Variants in GRM5 observed in about 807,000 individuals in gnomAD.
GRM5 encodes the protein glutamate metabotropic receptor 5.
A neutral mutation model predicts 83.1 loss-of-function variants in GRM5; 19 were observed. The ratio of observed to expected loss-of-function variants is 0.23; its 90% confidence interval spans 0.16 to 0.34. The LOEUF is 0.34. GRM5 is among the 10% of genes least tolerant of loss of function. GRM5 has a pLI of 1.00. For synonymous variants in GRM5, 675 were observed against 633.6 expected (o/e 1.07, Z -0.98); for missense variants, 1,160 against 1,588.3 (o/e 0.73, Z 4.58).
chr11:89,044,822 A>C (rs1941609911), intron 2 of GRM5, among the ~76,000 whole-genome samples: 1 of 151,734 alleles, frequency 6.6e-6, no homozygotes. Context: ...AGATCCCACC[A>C]AGACTTTCTG....
chr11:88,510,980 C>T (rs1941353909), intron 9 of GRM5, among the ~76,000 whole-genome samples: 1 of 152,166 alleles, frequency 6.6e-6, no homozygotes, highest in African/African-American at 2.4e-5. Flanking sequence ...TTGAAGACTA[C>T]AGTTTTATCA....
At chr11:88,572,415 TAAC>T (rs1007609100) in intron 7 of GRM5, among the ~76,000 whole-genome samples, 3 of 152,192 alleles carry the variant, frequency 2.0e-5, no homozygotes, top group Admixed American at 6.5e-5. Flanking sequence ...CAGTCTCCTC[TAAC>T]AATATCAGTT....
chr11:88,685,840 A>G (rs955010297), intron 3 of GRM5, among the ~76,000 whole-genome samples: 1 of 152,162 alleles, frequency 6.6e-6, no homozygotes, highest in Non-Finnish European at 1.5e-5. Context: ...CTCTGTTTAG[A>G]TTTCAGAAGA....
chr11:88,664,240 C>T (rs72639199), intron 3 of GRM5, among the ~76,000 whole-genome samples: 3,146 of 151,834 alleles, frequency 0.021, 89 homozygotes, highest in East Asian at 0.12. Flanking sequence ...ATGCTTATGC[C>T]TATATTCTGC....
In GRM5 at chr11:88,508,805, C is replaced by T; in HGVS notation, c.3426G>A (p.Glu1142=). The T allele has an allele frequency of 6.6e-7, 1 of 1,518,296 alleles. No individual in the cohort carries two copies. Among genetic ancestry groups the T allele is most frequent in the Non-Finnish European group, 8.8e-7 (1 of 1,133,544 alleles). The allele number at this position is 1,518,296 out of a possible 1,614,324, so 94.1% of individuals were successfully genotyped here. The change falls in exon 10 of 10, where the codon GAG becomes GAA. Residue 1142 remains glutamate, a synonymous_variant. Transcript: ENST00000305447. This position sits in a 1 kb window ranked among gnomAD's most constrained non-coding sequence, Gnocchi z 4.2. ...GAQAAGDAAR[E]SPAAGPEAAA... is the part of the protein sequence containing the mutation. ...CAGCCTCGGGACCGGCCGCGGGGCT[C>T]TCCCGGGCCGCGTCCCCAGCCGCCT... is the stretch of plus-strand genomic sequence containing the variant.
At chr11:88,741,853 A>G (rs368723087) in intron 3 of GRM5, among the ~76,000 whole-genome samples, 44 of 152,142 alleles carry the variant, frequency 2.9e-4, no homozygotes, top group African/African-American at 9.4e-4. Context: ...GAGGAAATAG[A>G]TCCACCTGTG....
chr11:88,992,205 A>G (rs970278162), intron 2 of GRM5, among the ~76,000 whole-genome samples: 1 of 152,218 alleles, frequency 6.6e-6, no homozygotes, highest in African/African-American at 2.4e-5. Flanking sequence ...AAGTGGGTGA[A>G]GGATATGAAC....
intron 2 of GRM5, among the ~76,000 whole-genome samples, chr11:89,020,124 CTAATT>C (rs1940947236): frequency 1.3e-5 from 2 of 152,172 alleles, no homozygotes; most frequent in South Asian, 2.1e-4. Flanking sequence ...TATACCTTAT[CTAATT>C]TAATTTAACC....
rs987844938 is a variant in GRM5 at position 88,506,386 on chromosome 11, G to A, written c.*2206C>T. The stretch of plus-strand genomic sequence containing the variant: ...TAAAATGTAGAGCATATCAAGAAAG[G>A]TTTTTAATACCTAAGAAGTCAAGAT... On this transcript the variant is annotated 3_prime_UTR_variant, in exon 10 of 10. Coordinates refer to ENST00000305447, the MANE Select transcript of GRM5 (RefSeq NM_001143831.3). 7 of 152,152 alleles carry A rather than the reference G, an allele frequency of 4.6e-5. No homozygotes were observed. The highest frequency in any genetic ancestry group is 1.9e-4 in the East Asian group (1 of 5,204). The allele number at this position is 152,152 out of a possible 1,614,324, so 9.4% of individuals were successfully genotyped here.
At chr11:89,020,084 T>C (rs988540994) in intron 2 of GRM5, among the ~76,000 whole-genome samples, 4 of 152,182 alleles carry the variant, frequency 2.6e-5, no homozygotes, top group African/African-American at 9.7e-5. Context: ...GCATTACCAA[T>C]TGTTAATTCT....
At chr11:88,707,838 C>T (rs1941197418) in intron 3 of GRM5, among the ~76,000 whole-genome samples, 2 of 152,046 alleles carry the variant, frequency 1.3e-5, no homozygotes, top group Admixed American at 1.3e-4. Flanking sequence ...ATCATTAAAA[C>T]CATATGCTTT....
intron 2 of GRM5, among the ~76,000 whole-genome samples, chr11:88,959,122 A>AT (rs574505458): frequency 2.2e-3 from 331 of 152,266 alleles, no homozygotes; most frequent in African/African-American, 6.7e-3. Flanking sequence ...ACCTCACAGG[A>AT]CCTGTGAAAG....
At chr11:88,547,088 A>T (rs544592273) in intron 8 of GRM5, among the ~76,000 whole-genome samples, 1 of 152,316 alleles carries the variant, frequency 6.6e-6, no homozygotes, top group South Asian at 2.1e-4. Flanking sequence ...TTTTACCTAT[A>T]TCTGATTAAA....
rs140798183 is a variant in GRM5, at chr11:88,587,832, A to G, written c.1690+2769T>C. 2.8e-4 allele frequency among the ~76,000 whole-genome samples: 43 copies of G among 152,256 alleles called. No homozygotes were observed. In the East Asian group the frequency reaches 7.7e-3, roughly 27 times the overall value. On this transcript the variant is annotated intron_variant, in intron 7 of 9. Coordinates refer to ENST00000305447, the MANE Select transcript of GRM5 (RefSeq NM_001143831.3). ...TTTTTTAATCCAATCATACTCCTCA[A>G]TGACTTACCACTTCTCTATCAAACC...
rs1398996637 is a variant in GRM5 at position 88,507,694 on chromosome 11, G to C, written c.*898C>G. 6.6e-5 allele frequency: 10 copies of C among 152,420 alleles called. No individual in the cohort carries two copies. Among genetic ancestry groups the C allele is most frequent in the Admixed American group, 3.3e-4 (5 of 15,294 alleles). The allele number at this position is 152,420 out of a possible 1,614,324, so 9.4% of individuals were successfully genotyped here. A position where few individuals can be genotyped will look rare whatever the true frequency, so the allele number is the denominator to read the frequency against. ...GTGGCCATGTTTCTTGAAAGAGATA[G>C]CCAGGCTGGAGCTCAAGAATGATTT... On this transcript the variant is annotated 3_prime_UTR_variant, in exon 10 of 10. Transcript: ENST00000305447.
chr11:88,926,120 C>G (rs149820290), intron 2 of GRM5, among the ~76,000 whole-genome samples: 4 of 152,132 alleles, frequency 2.6e-5, no homozygotes, highest in Non-Finnish European at 5.9e-5. Context: ...GCCTCCTGCA[C>G]CTTTTCCCAT....
intron 3 of GRM5, among the ~76,000 whole-genome samples, chr11:88,671,517 A>C (rs1361316431): frequency 6.6e-6 from 1 of 152,024 alleles, no homozygotes; most frequent in Non-Finnish European, 1.5e-5. Flanking sequence ...TTTAATAACA[A>C]CCAAAATGTT....
At chr11:88,630,562 CACACACACACAA>C (rs59312361) in intron 4 of GRM5, among the ~76,000 whole-genome samples, 5,770 of 51,688 alleles carry the variant, frequency 0.11, 252 homozygotes, top group African/African-American at 0.23. Flanking sequence ...CACACACACA[CACACACACACAA>C]ACACACACAC....
At chr11:88,968,418 C>A (rs1939061013) in intron 2 of GRM5, among the ~76,000 whole-genome samples, 1 of 152,106 alleles carries the variant, frequency 6.6e-6, no homozygotes, top group Non-Finnish European at 1.5e-5. Context: ...CATGGTGGTT[C>A]ATGCTTGTAA....
Sources: gnomAD v4.1 joint callset for allele counts (sites outside exome capture counted in the v4.1 genomes callset) on GRCh38, gnomAD v4.1.1 for gene constraint, Gnocchi (gnomAD v3.1) non-coding constraint, MANE v1.5 for transcripts, NCBI Gene and HGNC (gene_info 2026-07-23, HGNC 2026-07-21) for gene names.